KIF16B: variants seen among roughly 807,000 people sequenced by gnomAD.
The protein encoded by KIF16B is kinesin family member 16B, also known as kinesin-like protein KIF16B.
A neutral mutation model predicts 156.3 loss-of-function variants in KIF16B; 98 were observed. The ratio of observed to expected loss-of-function variants is 0.63; its 90% CI spans 0.53 to 0.74. The LOEUF (loss-of-function observed/expected upper bound fraction) is 0.74, where lower values mean the gene tolerates loss of function less well. Among genes scored for constraint, KIF16B ranks in the 30% least tolerant of loss-of-function variants. KIF16B has a pLI of 0.00. For missense variants in KIF16B, 1,421 were observed against 1,606.5 expected (o/e 0.88, Z 1.97); for synonymous variants, 564 against 583.7 (o/e 0.97, Z 0.49).
chr20:16,463,125 C>T (rs543869224), intron 12 of KIF16B, among the ~76,000 whole-genome samples: 14 of 152,322 alleles, frequency 9.2e-5, no homozygotes, highest in African/African-American at 3.1e-4. Flanking sequence ...AAACCAACCG[C>T]ATCTCGCTGT....
chr20:16,329,872 A>C (rs2063918519), intron 24 of KIF16B, among the ~76,000 whole-genome samples: 1 of 152,240 alleles, frequency 6.6e-6, no homozygotes, highest in Admixed American at 6.5e-5. Flanking sequence ...CCTCCAGTGA[A>C]GAACTCAGCC....
chr20:16,374,401 T>C lies in KIF16B; in HGVS notation c.3206A>G (p.Tyr1069Cys), dbSNP rs773442447. 2.3e-5 allele frequency: 37 copies of C among 1,580,416 alleles called. No homozygotes were observed. The highest frequency in any genetic ancestry group is 3.1e-5 in the Non-Finnish European group (36 of 1,160,604). ...ALEKDQERLE[Y>C]EIQQLKQKIY... ...CTTCTGTTTCAGCTGCTGGATTTCA[T>C]ATTCTAACCTACACAGATAGGAGCC... is the stretch of plus-strand genomic sequence containing the variant. The change falls in exon 20 of 26, where the codon TAT (tyrosine) becomes TGT (cysteine). Residue 1069 changes from tyrosine to cysteine, a missense_variant. Tyr to Cys is a radical substitution (Grantham distance 194). Transcript: ENST00000354981.
chr20:16,465,533 C>T (rs1423643131), intron 12 of KIF16B, among the ~76,000 whole-genome samples: 1 of 152,126 alleles, frequency 6.6e-6, no homozygotes, highest in Non-Finnish European at 1.5e-5. Context: ...TGGCTATATC[C>T]ACGCACATTC....
At chr20:16,504,286 A>G (rs564576431) in intron 10 of KIF16B, 86 bp downstream of exon 10, 1 of 1,320,220 alleles carries the variant, frequency 7.6e-7, no homozygotes, top group African/African-American at 1.5e-5. Context: ...AATCAATAGC[A>G]TGAGTGAGAA....
intron 1 of KIF16B, among the ~76,000 whole-genome samples, chr20:16,572,817 G>A (rs971517294): frequency 2.0e-5 from 3 of 152,178 alleles, no homozygotes; most frequent in African/African-American, 7.2e-5. Flanking sequence ...AGATTAAAAA[G>A]TAGCATGGTT....
At chr20:16,429,458 G>A (rs2066442607) in intron 13 of KIF16B, among the ~76,000 whole-genome samples, 1 of 152,128 alleles carries the variant, frequency 6.6e-6, no homozygotes, top group Non-Finnish European at 1.5e-5. Flanking sequence ...CTCCCAAGAT[G>A]AACTGTCTGC....
chr20:16,516,021 C>A (rs2069133001), intron 3 of KIF16B, among the ~76,000 whole-genome samples: 1 of 152,176 alleles, frequency 6.6e-6, no homozygotes, highest in Non-Finnish European at 1.5e-5. Context: ...TAAAGCTATT[C>A]ATTCTATCAG....
intron 17 of KIF16B, among the ~76,000 whole-genome samples, chr20:16,392,028 C>T (rs1339520023): frequency 2.0e-5 from 3 of 152,116 alleles, no homozygotes; most frequent in East Asian, 1.9e-4. Context: ...ATCTCTTTGC[C>T]GTAAGAAATA....
At position 16,273,410 on chromosome 20, in the gene KIF16B, T is replaced by A. The variant is rs2063011279; in HGVS notation, c.3797A>T (p.Lys1266Ile). Residue 1266 changes from lysine (K) to isoleucine (I), a missense_variant and splice_region_variant, in exon 26 of 26, where the codon AAA (lysine) becomes ATA (isoleucine). Coordinates refer to ENST00000354981, the MANE Select transcript of KIF16B (RefSeq NM_024704.5). ...CACGCTGAAAAAGTCCCTGAGGTAT[T>A]TCTGTGGAAGAGACAAGAGTTAAGA... is the stretch of plus-strand genomic sequence containing the variant. ...VIAERRSHLEKYLRDFFSVML... is the reference protein window; with the variant it reads ...VIAERRSHLEIYLRDFFSVML... 6.2e-7 allele frequency: 1 copy of A among 1,613,826 alleles called. No individual in the cohort carries two copies. The highest frequency in any genetic ancestry group is 1.3e-5 in the African/African-American group (1 of 74,866).
intron 23 of KIF16B, among the ~76,000 whole-genome samples, chr20:16,345,443 A>G (rs1198440198): frequency 6.6e-6 from 1 of 152,248 alleles, no homozygotes; most frequent in African/African-American, 2.4e-5. Flanking sequence ...AAGTGTGGGC[A>G]ACAGTGTGAC....
intron 6 of KIF16B, among the ~76,000 whole-genome samples, chr20:16,510,426 T>G (rs1600582483): frequency 6.6e-6 from 1 of 152,024 alleles, no homozygotes; most frequent in Non-Finnish European, 1.5e-5. Flanking sequence ...CCGAGGCAGG[T>G]GGATCATGAG....
At chr20:16,564,663 TAAA>T (rs11478455) in intron 1 of KIF16B, among the ~76,000 whole-genome samples, 2 of 137,854 alleles carry the variant, frequency 1.5e-5, no homozygotes, top group African/African-American at 5.3e-5. Context: ...TAAAGTATAA[TAAA>T]AAAAAAAAAA....
intron 12 of KIF16B, among the ~76,000 whole-genome samples, chr20:16,467,765 G>GT (rs2067536185): frequency 6.6e-6 from 1 of 151,264 alleles, no homozygotes; most frequent in East Asian, 1.9e-4. Context: ...CTGTGGAACT[G>GT]TCCTTCAGAA....
intron 1 of KIF16B, among the ~76,000 whole-genome samples, chr20:16,543,622 C>CA (rs1483104669): frequency 6.6e-6 from 1 of 152,052 alleles, no homozygotes; most frequent in Non-Finnish European, 1.5e-5. Flanking sequence ...TGTCCCAAAC[C>CA]ATAAAGGACT....
intron 1 of KIF16B, among the ~76,000 whole-genome samples, chr20:16,549,648 G>T (rs1300250335): frequency 6.6e-6 from 1 of 151,280 alleles, no homozygotes; most frequent in Non-Finnish European, 1.5e-5. Flanking sequence ...CCAAAACAGA[G>T]ATATAGATCA....
chr20:16,550,590 T>G (rs2070608736), intron 1 of KIF16B, among the ~76,000 whole-genome samples: 1 of 146,388 alleles, frequency 6.8e-6, no homozygotes, highest in African/African-American at 2.6e-5. Flanking sequence ...TGGAGTGCAG[T>G]GGTGCGATCA....
chr20:16,457,948 T>A lies in KIF16B; in HGVS notation c.1303-27966A>T, dbSNP rs764418743. On this transcript the variant is annotated intron_variant, in intron 12 of 25. Transcript: ENST00000354981. ...CAACTTGCATTACATAAGTAAAGCA[T>A]GAGTGAGAGGAAAATTCAGAATCCG... is the stretch of plus-strand genomic sequence containing the variant. 5.3e-5 allele frequency among the ~76,000 whole-genome samples: 8 copies of A among 151,850 alleles called. 1 individual carries two copies. The South Asian group carries it at 1.7e-3, about 32-fold the overall frequency.
chr20:16,382,231 G>A, intron 17 of KIF16B: 2 of 660,262 alleles, frequency 3.0e-6, no homozygotes, highest in Non-Finnish European at 2.2e-6. Flanking sequence ...AAAGCAGTAA[G>A]GTACTTAAAA....
At chr20:16,500,730 C>T (rs1269107001) in intron 10 of KIF16B, among the ~76,000 whole-genome samples, 1 of 152,142 alleles carries the variant, frequency 6.6e-6, no homozygotes, top group African/African-American at 2.4e-5. Context: ...TCCATTCTTA[C>T]AAACACCATA....
Sources: allele counts gnomAD v4.1 joint callset (sites outside exome capture counted in the v4.1 genomes callset), GRCh38; gene constraint gnomAD v4.1.1; transcripts MANE v1.5; gene names NCBI Gene and HGNC (gene_info 2026-07-23, HGNC 2026-07-21).